ADCY5: variants seen among roughly 807,000 people sequenced by gnomAD.
ADCY5 encodes the protein adenylate cyclase 5.
A neutral mutation model predicts 119.7 loss-of-function variants in ADCY5; 30 were observed. The observed-to-expected ratio is 0.25, with a 90% CI of 0.19 to 0.34. The LOEUF (loss-of-function observed/expected upper bound fraction) is 0.34. ADCY5 is among the 10% of genes least tolerant of loss of function. ADCY5 has a pLI of 1.00. For synonymous variants in ADCY5, 753 were observed against 762.2 expected, an observed-to-expected ratio of 0.99 and a Z score of 0.20; for missense variants, 1,324 against 1,775.2, an observed-to-expected ratio of 0.75 and a Z score of 4.57.
intron 1 of ADCY5, among the ~76,000 whole-genome samples, chr3:123,423,863 C>T (rs1945350338): frequency 6.6e-6 from 1 of 152,224 alleles, no homozygotes; most frequent in Non-Finnish European, 1.5e-5. Context: ...TGACACAGCA[C>T]CTGCTCAGCC....
chr3:123,396,701 A>G (rs1294768215), intron 1 of ADCY5, among the ~76,000 whole-genome samples: 2 of 140,804 alleles, frequency 1.4e-5, no homozygotes, highest in Non-Finnish European at 3.1e-5. Context: ...AGAGAGAGAG[A>G]GGGAGGGAGG....
intron 1 of ADCY5, among the ~76,000 whole-genome samples, chr3:123,407,478 T>G (rs1944929328): frequency 6.6e-6 from 1 of 151,326 alleles, no homozygotes; most frequent in South Asian, 2.1e-4. Context: ...ATGCCAGGTA[T>G]AGTGGCTCAT....
intron 1 of ADCY5, among the ~76,000 whole-genome samples, chr3:123,442,289 C>A (rs1945736453): frequency 1.3e-5 from 2 of 152,174 alleles, no homozygotes; most frequent in Admixed American, 6.5e-5. Context: ...GACAGCAAGG[C>A]ACTCAGCAAG....
At chr3:123,443,314 G>A (rs1185225565) in intron 1 of ADCY5, among the ~76,000 whole-genome samples, 1 of 152,146 alleles carries the variant, frequency 6.6e-6, no homozygotes, top group East Asian at 1.9e-4. Context: ...TCAAGGCCCA[G>A]GACCAGAAAA....
intron 1 of ADCY5, among the ~76,000 whole-genome samples, chr3:123,424,234 G>A (rs59320605): frequency 0.29 from 43,407 of 152,122 alleles, 6,517 homozygotes; most frequent in African/African-American, 0.38. Flanking sequence ...CTGCCCCTCC[G>A]CTCAGGCCTG....
At chr3:123,288,544 T>TA (rs1039432793) in intron 19 of ADCY5, among the ~76,000 whole-genome samples, 3 of 152,172 alleles carry the variant, frequency 2.0e-5, no homozygotes, top group African/African-American at 7.2e-5. Context: ...CGGTAAGACC[T>TA]ATTCTAAGGA....
At chr3:123,412,758 C>T (rs2107626186) in intron 1 of ADCY5, among the ~76,000 whole-genome samples, 1 of 151,090 alleles carries the variant, frequency 6.6e-6, no homozygotes, top group South Asian at 2.1e-4. Context: ...AAGACATCTG[C>T]AGAACTAGAA....
chr3:123,309,658 G>T (rs1940432940), intron 12 of ADCY5, among the ~76,000 whole-genome samples: 1 of 152,128 alleles, frequency 6.6e-6, no homozygotes, highest in Non-Finnish European at 1.5e-5. Flanking sequence ...GAAAAACACA[G>T]GGAGAACCTA....
intron 1 of ADCY5, among the ~76,000 whole-genome samples, chr3:123,386,557 TC>T (rs1944231942): frequency 6.6e-6 from 1 of 152,158 alleles, no homozygotes; most frequent in South Asian, 2.1e-4. Context: ...CAGCACCCTC[TC>T]TCCTTCCACT....
chr3:123,416,326 T>A (rs1945185121), intron 1 of ADCY5: 1 of 1,534,660 alleles, frequency 6.5e-7, no homozygotes. Context: ...ATAACCTCCT[T>A]CCCTAGGACA....
At chr3:123,406,703 C>T (rs1268656762) in intron 1 of ADCY5, among the ~76,000 whole-genome samples, 1 of 152,122 alleles carries the variant, frequency 6.6e-6, no homozygotes, top group Non-Finnish European at 1.5e-5. Flanking sequence ...TGAGCACTGG[C>T]TCTGTTGTAA....
At chr3:123,311,597 A>G (rs1256346603) in intron 12 of ADCY5, among the ~76,000 whole-genome samples, 3 of 152,256 alleles carry the variant, frequency 2.0e-5, no homozygotes, top group African/African-American at 7.2e-5. Context: ...AACCCTGAGA[A>G]GAGGCTAATC....
chr3:123,363,544 C>T (rs904090302), intron 1 of ADCY5, among the ~76,000 whole-genome samples: 15 of 152,258 alleles, frequency 9.9e-5, no homozygotes, highest in African/African-American at 3.6e-4. Flanking sequence ...GGCTTTATGT[C>T]CGAGGATGAT....
chr3:123,429,713 A>T (rs1945484891), intron 1 of ADCY5, among the ~76,000 whole-genome samples: 1 of 152,180 alleles, frequency 6.6e-6, no homozygotes, highest in Non-Finnish European at 1.5e-5. Flanking sequence ...TAGTCAGGGG[A>T]CAGCAGGTGG....
At chr3:123,320,271 A>C (rs753493691) in intron 9 of ADCY5, among the ~76,000 whole-genome samples, 3 of 152,190 alleles carry the variant, frequency 2.0e-5, no homozygotes, top group Admixed American at 1.3e-4. Flanking sequence ...CACCCAGCTC[A>C]GGGCACTCTT....
At chr3:123,415,954 G>A (rs1945174221) in intron 1 of ADCY5, among the ~76,000 whole-genome samples, 1 of 152,146 alleles carries the variant, frequency 6.6e-6, no homozygotes, top group Non-Finnish European at 1.5e-5. Context: ...AAATCAATGC[G>A]GCAAAATCAT....
chr3:123,287,125 G>A (rs768172688), intron 19 of ADCY5: 17 of 244,962 alleles, frequency 6.9e-5, no homozygotes, highest in South Asian at 1.1e-4. Flanking sequence ...CCATTTAGGC[G>A]CAACCTATCA....
chr3:123,411,390 C>T (rs757055083), intron 1 of ADCY5, among the ~76,000 whole-genome samples: 3 of 152,168 alleles, frequency 2.0e-5, no homozygotes, highest in Non-Finnish European at 4.4e-5. Flanking sequence ...CAGGCCTCAC[C>T]GATCACTGAC....
chr3:123,413,610 C>T (rs1191890003), intron 1 of ADCY5, among the ~76,000 whole-genome samples: 4 of 152,314 alleles, frequency 2.6e-5, no homozygotes, highest in African/African-American at 4.8e-5. Flanking sequence ...AGGGAGCAAC[C>T]GATTAACAGC....
Sources: gnomAD v4.1 joint callset for allele counts (sites outside exome capture counted in the v4.1 genomes callset) on GRCh38, gnomAD v4.1.1 for gene constraint, MANE v1.5 for transcripts, NCBI Gene and HGNC (gene_info 2026-07-23, HGNC 2026-07-21) for gene names.